SCAPER: variants seen among roughly 807,000 people sequenced by gnomAD.
SCAPER encodes the protein S phase cyclin A-associated protein in the endoplasmic reticulum.
A neutral mutation model predicts 182.2 loss-of-function variants in SCAPER; 98 were observed. That is an observed-to-expected ratio of 0.54 (90% CI 0.46 to 0.64). The LOEUF is 0.64. SCAPER is among the 30% of genes least tolerant of loss of function. The probability of loss-of-function intolerance (pLI) is 0.00; values close to 1 mark genes in which losing one functional copy is unlikely to be tolerated. For synonymous variants in SCAPER, 605 were observed against 564.6 expected (o/e 1.07, Z -1.01); for missense variants, 1,432 against 1,690.0 (o/e 0.85, Z 2.68).
chr15:76,755,756 C>A (rs988141354), intron 14 of SCAPER, among the ~76,000 whole-genome samples: 2 of 152,146 alleles, frequency 1.3e-5, no homozygotes, highest in African/African-American at 4.8e-5. Flanking sequence ...CCTTTCTCTC[C>A]CCCACTCTTT....
Position 76,581,522 on chromosome 15 carries a change from G to A in SCAPER, c.2712-7238C>T, listed in dbSNP as rs1278796533. ...GTTCAACATACGCAAAGCAAACGATGTGATACATCATATCAACAGAATGAA... is the reference window on the plus strand; with the variant it reads ...GTTCAACATACGCAAAGCAAACGATATGATACATCATATCAACAGAATGAA... On this transcript the variant is annotated intron_variant, in intron 22 of 31. Transcript: ENST00000563290. Among the ~76,000 whole-genome samples, 3 of 152,340 alleles carry A rather than the reference G, an allele frequency of 2.0e-5. No individual in the cohort carries two copies. The East Asian group carries it at 5.8e-4, about 29-fold the overall frequency.
chr15:76,466,494 T>C (rs1242885975), intron 25 of SCAPER, among the ~76,000 whole-genome samples: 2 of 146,194 alleles, frequency 1.4e-5, no homozygotes, highest in Non-Finnish European at 3.0e-5. Flanking sequence ...CATTGTTACC[T>C]TGAGCTCATA....
rs918663664 is a variant in SCAPER at position 76,702,541 on chromosome 15, G to A, written c.2400+309C>T. ...TGGCTCACTGCAACCTCCACCTCCTGGGTTCAAAGGATTCTCATGCCTCAG... is the reference window on the plus strand; with the variant it reads ...TGGCTCACTGCAACCTCCACCTCCTAGGTTCAAAGGATTCTCATGCCTCAG... On this transcript the variant is annotated intron_variant, in intron 19 of 31. Coordinates refer to ENST00000563290, the MANE Select transcript of SCAPER (RefSeq NM_020843.4). 1.2e-4 allele frequency among the ~76,000 whole-genome samples: 19 copies of A among 152,104 alleles called. 1 individual carries two copies. Among genetic ancestry groups the A allele is most frequent in the African/African-American group, 4.1e-4 (17 of 41,490 alleles).
At chr15:76,443,190 G>A (rs926099291) in intron 25 of SCAPER, among the ~76,000 whole-genome samples, 2 of 152,128 alleles carry the variant, frequency 1.3e-5, no homozygotes, top group African/African-American at 4.8e-5. Context: ...AATATAAGAG[G>A]TCTTCAAAAT....
intron 20 of SCAPER, among the ~76,000 whole-genome samples, chr15:76,699,611 C>A (rs368730647): frequency 1.3e-5 from 2 of 152,212 alleles, no homozygotes; most frequent in African/African-American, 4.8e-5. Flanking sequence ...ATGATTTCAG[C>A]AGCGCTGGAC....
intron 8 of SCAPER, among the ~76,000 whole-genome samples, chr15:76,775,449 C>A (rs886261099): frequency 1.3e-5 from 2 of 151,978 alleles, no homozygotes; most frequent in African/African-American, 4.8e-5. Context: ...TCACAATAAT[C>A]CTATAAGATC....
intron 2 of SCAPER, among the ~76,000 whole-genome samples, chr15:76,863,480 G>A (rs966340362): frequency 3.9e-4 from 59 of 152,282 alleles, no homozygotes; most frequent in African/African-American, 1.3e-3. Context: ...TACATTTAAC[G>A]AGGCAATTAC....
intron 17 of SCAPER, among the ~76,000 whole-genome samples, chr15:76,707,325 A>C (rs1176601356): frequency 1.3e-5 from 2 of 152,144 alleles, no homozygotes; most frequent in Non-Finnish European, 2.9e-5. Flanking sequence ...CATTCCAATC[A>C]AAAGGCAGAA....
chr15:76,804,703 T>C, intron 5 of SCAPER, 70 bp from the exon 6 acceptor site: 2 of 957,296 alleles, frequency 2.1e-6, no homozygotes, highest in Non-Finnish European at 3.1e-6. Flanking sequence ...AAAAAAAGAG[T>C]GAACAACTTA....
At chr15:76,834,648 G>A (rs2068776952) in intron 5 of SCAPER, among the ~76,000 whole-genome samples, 1 of 152,000 alleles carries the variant, frequency 6.6e-6, no homozygotes, top group South Asian at 2.1e-4. Context: ...AAACAAAGTT[G>A]ATAGACAGCT....
chr15:76,887,891 C>T (rs1201635363), intron 1 of SCAPER, among the ~76,000 whole-genome samples: 1 of 152,202 alleles, frequency 6.6e-6, no homozygotes, highest in African/African-American at 2.4e-5. Context: ...AACTGGGAGA[C>T]ACCTCCCAGG....
chr15:76,598,484 A>G (rs1475830444), intron 22 of SCAPER, among the ~76,000 whole-genome samples: 1 of 121,748 alleles, frequency 8.2e-6, no homozygotes, highest in Non-Finnish European at 2.0e-5. Context: ...TCATTCTACT[A>G]TAAAGACACA....
intron 17 of SCAPER, among the ~76,000 whole-genome samples, chr15:76,714,013 A>G (rs1201182787): frequency 6.6e-6 from 1 of 152,172 alleles, no homozygotes; most frequent in African/African-American, 2.4e-5. Flanking sequence ...AAAGGACTGT[A>G]ATTTGCATGA....
At chr15:76,703,527 C>T (rs1409559608) in intron 18 of SCAPER, among the ~76,000 whole-genome samples, 1 of 152,094 alleles carries the variant, frequency 6.6e-6, no homozygotes, top group Non-Finnish European at 1.5e-5. Context: ...AGTGACAATC[C>T]TGGGGGAAAA....
At chr15:76,410,120 A>G (rs1485539827) in intron 26 of SCAPER, among the ~76,000 whole-genome samples, 1 of 152,116 alleles carries the variant, frequency 6.6e-6, no homozygotes, top group African/African-American at 2.4e-5. Context: ...TCTTTCTTAA[A>G]GTACTAGTTT....
intron 21 of SCAPER, among the ~76,000 whole-genome samples, chr15:76,663,928 A>G (rs1422577720): frequency 1.3e-5 from 2 of 152,168 alleles, no homozygotes; most frequent in African/African-American, 4.8e-5. Flanking sequence ...AAAATATTAG[A>G]AGATAAAACT....
At chr15:76,902,308 G>A (rs535513005) in intron 1 of SCAPER, among the ~76,000 whole-genome samples, 1 of 152,186 alleles carries the variant, frequency 6.6e-6, no homozygotes, top group Non-Finnish European at 1.5e-5. Context: ...ATATGTGATT[G>A]TAAAAGTCAC....
At chr15:76,839,252 A>T (rs2069232764) in intron 5 of SCAPER, among the ~76,000 whole-genome samples, 1 of 152,242 alleles carries the variant, frequency 6.6e-6, no homozygotes, top group East Asian at 1.9e-4. Flanking sequence ...TGAGACACAG[A>T]ACTGAACTGT....
At chr15:76,712,376 C>T (rs933572348) in intron 17 of SCAPER, among the ~76,000 whole-genome samples, 1 of 152,110 alleles carries the variant, frequency 6.6e-6, no homozygotes, top group African/African-American at 2.4e-5. Flanking sequence ...TAGTGTGATG[C>T]CTCCAGCTTT....
Sources: gnomAD v4.1 joint callset for allele counts (sites outside exome capture counted in the v4.1 genomes callset) on GRCh38, gnomAD v4.1.1 for gene constraint, MANE v1.5 for transcripts, NCBI Gene and HGNC (gene_info 2026-07-23, HGNC 2026-07-21) for gene names.